The following EGFL6 variants were observed in gnomAD, a reference collection of about 807,000 sequenced individuals.
The protein encoded by EGFL6 is epidermal growth factor-like protein 6.
A neutral mutation model predicts 43.1 loss-of-function variants in EGFL6; 42 were observed. The observed-to-expected ratio is 0.98, with a 90% CI of 0.76 to 1.26. EGFL6 has a LOEUF of 1.26. Ranked by LOEUF, EGFL6 falls within the 50% of genes most tolerant of loss-of-function variation. The probability of loss-of-function intolerance (pLI) is 0.00; values close to 1 mark genes in which losing one functional copy is unlikely to be tolerated. For synonymous variants in EGFL6, 164 were observed against 163.2 expected, an observed-to-expected ratio of 1.01 and a Z score of -0.04; for missense variants, 429 against 427.8, an observed-to-expected ratio of 1.00 and a Z score of -0.02.
intron 1 of EGFL6, among the ~76,000 whole-genome samples, chrX:13,583,982 C>A (rs758601218): frequency 1.8e-5 from 2 of 112,005 alleles, no homozygotes; most frequent in Non-Finnish European, 3.8e-5. Context: ...AATATTAATC[C>A]TACTACTACG....
intron 1 of EGFL6, among the ~76,000 whole-genome samples, chrX:13,576,188 G>A (rs1212928973): frequency 8.9e-6 from 1 of 112,233 alleles, no homozygotes; most frequent in East Asian, 2.8e-4. Context: ...CTCTGGTGAG[G>A]CCTCAGGAAG....
intron 7 of EGFL6, among the ~76,000 whole-genome samples, chrX:13,617,171 G>C (rs141854292): frequency 0.01 from 1,140 of 112,370 alleles, 11 homozygotes; most frequent in African/African-American, 0.035. Flanking sequence ...AACTCATTTA[G>C]CTTTAGATAA....
At chrX:13,620,205 G>A (rs1456609967) in intron 9 of EGFL6, among the ~76,000 whole-genome samples, 1 of 111,161 alleles carries the variant, frequency 9.0e-6, no homozygotes, top group Non-Finnish European at 1.9e-5. Context: ...TATTTAGAAC[G>A]TTCACCACTC....
chrX:13,614,805 T>A (rs2045710005), intron 7 of EGFL6, among the ~76,000 whole-genome samples: 1 of 109,060 alleles, frequency 9.2e-6, no homozygotes, highest in Non-Finnish European at 1.9e-5. Context: ...TGGAGAGTAG[T>A]GGCATGATCT....
chrX:13,592,186 C>A (rs145669018), intron 2 of EGFL6, among the ~76,000 whole-genome samples: 27 of 106,539 alleles, frequency 2.5e-4, no homozygotes, highest in African/African-American at 8.6e-4. Context: ...AAATCAGTTT[C>A]CAGGGAACAA....
At chrX:13,614,352 G>T (rs920816882) in intron 7 of EGFL6, among the ~76,000 whole-genome samples, 2 of 111,382 alleles carry the variant, frequency 1.8e-5, no homozygotes, top group African/African-American at 3.3e-5. Flanking sequence ...TGTTTCCTGG[G>T]TCCCATGCTG....
chrX:13,608,203 C>A, intron 6 of EGFL6, 121 bp from the exon 7 acceptor site: 1 of 916,790 alleles, frequency 1.1e-6, no homozygotes, highest in Non-Finnish European at 1.5e-6. Flanking sequence ...TCTCAGTTCT[C>A]AGGCAATGCT....
chrX:13,624,497 C>T (rs939845856), intron 10 of EGFL6, among the ~76,000 whole-genome samples: 8 of 111,137 alleles, frequency 7.2e-5, no homozygotes, highest in Non-Finnish European at 1.3e-4. Context: ...GAATTTTTCT[C>T]AATCTTATCT....
chrX:13,571,610 T>G (rs1305859232), intron 1 of EGFL6, among the ~76,000 whole-genome samples: 2 of 111,720 alleles, frequency 1.8e-5, no homozygotes, highest in Non-Finnish European at 3.8e-5. Flanking sequence ...TGCCACCAAA[T>G]TAAATTAAAA....
intron 1 of EGFL6, among the ~76,000 whole-genome samples, chrX:13,575,669 A>G (rs1377436040): frequency 8.9e-6 from 1 of 112,374 alleles, no homozygotes; most frequent in Non-Finnish European, 1.9e-5. Flanking sequence ...TAGAAACCGC[A>G]TAGGATCAAA....
intron 9 of EGFL6, among the ~76,000 whole-genome samples, chrX:13,621,136 A>T (rs1255244911): frequency 2.7e-5 from 3 of 112,676 alleles, no homozygotes; most frequent in African/African-American, 9.7e-5. Flanking sequence ...AGACCCCAAG[A>T]TAAGAATTTG....
Position 13,617,732 on chromosome X carries a change from A to C in EGFL6, c.781A>C (p.Ile261Leu). 3.4e-6 allele frequency: 4 copies of C among 1,191,601 alleles called. No individual in the cohort carries two copies. The South Asian group carries it at 7.4e-5, about 22-fold the overall frequency. ...ATATTGCCTCTTATTTGTTTTAGCT[A>C]TCCCTGAAAATTCTGTGAAGGAAGT... Reference protein sequence around the residue: ...YKGNGLRCSAIPENSVKEVLR... With the variant: ...YKGNGLRCSALPENSVKEVLR... Residue 261 changes from isoleucine to leucine, a missense_variant and splice_region_variant, in exon 8 of 12, where the codon ATC becomes CTC. Physicochemically the swap from Ile to Leu is conservative, Grantham distance 5. Coordinates refer to ENST00000361306, the MANE Select transcript of EGFL6 (RefSeq NM_015507.4).
At chrX:13,576,844 T>C (rs183853377) in intron 1 of EGFL6, among the ~76,000 whole-genome samples, 6 of 111,898 alleles carry the variant, frequency 5.4e-5, no homozygotes, top group African/African-American at 2.0e-4. Flanking sequence ...GCCATGGTGT[T>C]TCCCAAGGAT....
At chrX:13,570,763 G>A (rs2045437444) in intron 1 of EGFL6, among the ~76,000 whole-genome samples, 1 of 111,590 alleles carries the variant, frequency 9.0e-6, no homozygotes, top group Non-Finnish European at 1.9e-5. Context: ...AGAGAAAAAC[G>A]AGGCACAGAG....
intron 10 of EGFL6, among the ~76,000 whole-genome samples, chrX:13,624,459 G>A (rs1171068735): frequency 1.8e-5 from 2 of 111,229 alleles, no homozygotes; most frequent in Admixed American, 1.9e-4. Context: ...TTTGTTGCTT[G>A]AGGATTTCTT....
intron 11 of EGFL6, among the ~76,000 whole-genome samples, chrX:13,630,319 A>G (rs1475449176): frequency 1.8e-5 from 2 of 112,006 alleles, no homozygotes; most frequent in Non-Finnish European, 3.8e-5. Flanking sequence ...AAATATAGTG[A>G]AAAACACAAA....
At chrX:13,604,154 C>T (rs1454068121) in intron 5 of EGFL6, among the ~76,000 whole-genome samples, 2 of 111,424 alleles carry the variant, frequency 1.8e-5, no homozygotes, top group African/African-American at 6.5e-5. Context: ...GAGGTGATCC[C>T]AGCCTGAAAT....
chrX:13,605,776 C>A (rs1452292655), intron 5 of EGFL6, among the ~76,000 whole-genome samples: 1 of 111,833 alleles, frequency 8.9e-6, no homozygotes, highest in Non-Finnish European at 1.9e-5. Flanking sequence ...AGAAAAGGAA[C>A]AACACACCTA....
At chrX:13,591,324 TTG>T (rs1228955161) in intron 2 of EGFL6, among the ~76,000 whole-genome samples, 2 of 111,404 alleles carry the variant, frequency 1.8e-5, no homozygotes, top group Non-Finnish European at 3.8e-5. Flanking sequence ...GCCATAAAAC[TTG>T]TGAGACCCAG....
Sources: allele counts gnomAD v4.1 joint callset (sites outside exome capture counted in the v4.1 genomes callset), GRCh38; gene constraint gnomAD v4.1.1; transcripts MANE v1.5; gene names NCBI Gene and HGNC (gene_info 2026-07-23, HGNC 2026-07-21).